Variants in PIAS1 observed in about 807,000 individuals in gnomAD.
The protein encoded by PIAS1 is E3 SUMO-protein ligase PIAS1.
In PIAS1, 6 loss-of-function variants were observed where a neutral mutation model predicts 71.3. That is an observed-to-expected ratio of 0.08 (90% CI 0.05 to 0.17). The LOEUF is 0.17. PIAS1 is among the 10% of genes least tolerant of loss of function. The pLI, the probability that PIAS1 is intolerant of heterozygous loss-of-function variation, is 1.00. For missense variants in PIAS1, 555 were observed against 793.6 expected, an observed-to-expected ratio of 0.70 and a Z score of 3.61; for synonymous variants, 303 against 292.9, an observed-to-expected ratio of 1.03 and a Z score of -0.35.
At chr15:68,141,873 G>GTGTTTTTTT in intron 2 of PIAS1, 73 bp from the exon 3 acceptor site, 1 of 660,546 alleles carries the variant, frequency 1.5e-6, no homozygotes, top group Non-Finnish European at 2.4e-6. Flanking sequence ...AGACATGTGT[G>GTGTTTTTTT]TTTTTTTTTT....
At chr15:68,072,184 G>T (rs912572906) in intron 1 of PIAS1, among the ~76,000 whole-genome samples, 2 of 151,566 alleles carry the variant, frequency 1.3e-5, no homozygotes, top group African/African-American at 4.9e-5. Context: ...GGATCATGAG[G>T]TCAGGAGATC....
At chr15:68,102,817 A>G (rs925826454) in intron 2 of PIAS1, among the ~76,000 whole-genome samples, 29 of 152,048 alleles carry the variant, frequency 1.9e-4, no homozygotes, top group African/African-American at 6.5e-4. Flanking sequence ...GACAGTTTTT[A>G]TTTCTTAACC....
chr15:68,057,643 A>G (rs1161501230), intron 1 of PIAS1: 2 of 269,766 alleles, frequency 7.4e-6, no homozygotes, highest in East Asian at 2.6e-4. Flanking sequence ...CTTAATTTTG[A>G]TCCTTACGCT....
chr15:68,134,433 A>T, intron 2 of PIAS1, among the ~76,000 whole-genome samples: 1 of 38,328 alleles, frequency 2.6e-5, no homozygotes, highest in African/African-American at 5.5e-5. Context: ...ACCCAGTAGG[A>T]GCGGCTGGGC....
intron 2 of PIAS1, among the ~76,000 whole-genome samples, chr15:68,098,743 G>A (rs2092398872): frequency 1.3e-5 from 2 of 152,112 alleles, no homozygotes; most frequent in Non-Finnish European, 2.9e-5. Context: ...CTACTTAGTA[G>A]GCAATAGATT....
intron 10 of PIAS1, 120 bp from the exon 11 acceptor site, chr15:68,176,354 T>C: frequency 3.8e-6 from 2 of 530,620 alleles, no homozygotes; most frequent in Non-Finnish European, 6.4e-6. Flanking sequence ...GTTGGTTTTC[T>C]ACTCTCTGGC....
Position 68,185,119 on chromosome 15 carries a change from C to T in PIAS1, c.1662+1452C>T, listed in dbSNP as rs2093079512. Reference sequence around the variant, plus strand: ...ATCCCAATATCAAAGTGTTGTGTCTCCTTCCATATACCACCTCTTTGATCC... The same window carrying T: ...ATCCCAATATCAAAGTGTTGTGTCTTCTTCCATATACCACCTCTTTGATCC... On this transcript the variant is annotated intron_variant, in intron 13 of 13. Coordinates refer to ENST00000249636, the MANE Select transcript of PIAS1 (RefSeq NM_016166.3). The surrounding 1 kb of genome is among the most constrained non-coding windows in gnomAD (Gnocchi z 4.4). The T allele has an allele frequency of 6.6e-6, 1 of 152,224 alleles. No homozygotes were observed. Among genetic ancestry groups the T allele is most frequent in the Admixed American group, 6.5e-5 (1 of 15,278 alleles). The allele number at this position is 152,224 out of a possible 1,614,324, so 9.4% of individuals were successfully genotyped here.
chr15:68,061,714 C>T (rs192097619), intron 1 of PIAS1, among the ~76,000 whole-genome samples: 4 of 152,336 alleles, frequency 2.6e-5, no homozygotes, highest in African/African-American at 9.6e-5. Context: ...CACCAAAACA[C>T]TCCTTTCATT....
intron 1 of PIAS1, among the ~76,000 whole-genome samples, chr15:68,085,824 T>C (rs1448956034): frequency 6.6e-6 from 1 of 152,222 alleles, no homozygotes; most frequent in Non-Finnish European, 1.5e-5. Context: ...AAGTAACACT[T>C]GATAATAGCT....
Position 68,086,619 on chromosome 15 carries a change from T to C in PIAS1, c.338T>C (p.Leu113Pro). Residue 113 changes from leucine (L) to proline (P), a missense_variant, in exon 2 of 14, where the codon CTT becomes CCT. Coordinates refer to ENST00000249636, the MANE Select transcript of PIAS1 (RefSeq NM_016166.3). This position sits in a 1 kb window ranked among gnomAD's most constrained non-coding sequence, Gnocchi z 7.2. The part of the protein sequence containing the change: ...PASSPLLPVS[L>P]LGPKHELELP... The stretch of plus-strand genomic sequence containing the variant: ...TCATCGCCATTACTCCCTGTTTCTC[T>C]TCTGGGACCTAAACATGAACTGGAA... The C allele has an allele frequency of 3.7e-6, 6 of 1,613,528 alleles. No homozygotes were observed. The highest frequency in any genetic ancestry group is 5.1e-6 in the Non-Finnish European group (6 of 1,179,470).
intron 2 of PIAS1, among the ~76,000 whole-genome samples, chr15:68,109,794 A>C (rs764877439): frequency 1.4e-4 from 21 of 152,164 alleles, no homozygotes; most frequent in Non-Finnish European, 3.1e-4. Context: ...ACTAGAGGTA[A>C]AGATACAAAC....
chr15:68,062,409 A>G (rs115749564), intron 1 of PIAS1, among the ~76,000 whole-genome samples: 1,619 of 152,304 alleles, frequency 0.011, 36 homozygotes, highest in African/African-American at 0.037. Flanking sequence ...GTTAAAGTGC[A>G]CAGTCAGGTA....
chr15:68,132,631 T>A (rs1194630201), intron 2 of PIAS1, among the ~76,000 whole-genome samples: 2 of 152,124 alleles, frequency 1.3e-5, no homozygotes, highest in Non-Finnish European at 2.9e-5. Context: ...GAAAATTAAA[T>A]TTTTCCTTAC....
chr15:68,171,095 A>G lies in PIAS1; in HGVS notation c.1009-2637A>G, dbSNP rs953058941. Among the ~76,000 whole-genome samples, 1 of 152,128 alleles carries G rather than the reference A, an allele frequency of 6.6e-6. No individual in the cohort carries two copies. The highest frequency in any genetic ancestry group is 1.5e-5 in the Non-Finnish European group (1 of 68,024). On this transcript the variant is annotated intron_variant, in intron 8 of 13. Coordinates refer to ENST00000249636, the MANE Select transcript of PIAS1 (RefSeq NM_016166.3). This position sits in a 1 kb window ranked among gnomAD's most constrained non-coding sequence, Gnocchi z 4.4. ...TTCTATAAGCTTTTTTCTATTTTTA[A>G]CATTTTTTACTTTTATTTTCTACTT...
chr15:68,154,232 T>C (rs1489686631), intron 7 of PIAS1, among the ~76,000 whole-genome samples: 1 of 152,180 alleles, frequency 6.6e-6, no homozygotes, highest in Non-Finnish European at 1.5e-5. Context: ...GGTTCATACG[T>C]GTGAATTACT....
At chr15:68,176,702 T>G in intron 11 of PIAS1, 48 bp downstream of exon 11, 1 of 1,294,056 alleles carries the variant, frequency 7.7e-7, no homozygotes, top group Non-Finnish European at 1.1e-6. Context: ...AAAATTAACT[T>G]GGCAAATAGG....
rs904195977 is a variant in PIAS1 at position 68,185,965 on chromosome 15, C to T, written c.1663-1577C>T. Among the ~76,000 whole-genome samples, 5 of 115,726 alleles carry T rather than the reference C, an allele frequency of 4.3e-5. No individual in the cohort carries two copies. The highest frequency in any genetic ancestry group is 1.8e-4 in the Admixed American group (2 of 11,326). The allele number at this position is 115,726 out of a possible 152,430, so 75.9% of individuals were successfully genotyped here. On this transcript the variant is annotated intron_variant, in intron 13 of 13. Coordinates refer to ENST00000249636, the MANE Select transcript of PIAS1 (RefSeq NM_016166.3). This position sits in a 1 kb window ranked among gnomAD's most constrained non-coding sequence, Gnocchi z 4.4. Reference sequence around the variant, plus strand: ...TGGGTGGCAGAGCGAGACTCCATCTCAAAAACAAAACAAACAAAAAAAACA... The same window carrying T: ...TGGGTGGCAGAGCGAGACTCCATCTTAAAAACAAAACAAACAAAAAAAACA...
At chr15:68,125,102 A>C (rs181489403) in intron 2 of PIAS1, among the ~76,000 whole-genome samples, 2 of 151,984 alleles carry the variant, frequency 1.3e-5, no homozygotes, top group African/African-American at 4.8e-5. Context: ...GTAGTGAACT[A>C]TTTTTCATTT....
intron 2 of PIAS1, among the ~76,000 whole-genome samples, chr15:68,115,022 A>G (rs529255195): frequency 1.3e-5 from 2 of 152,200 alleles, no homozygotes; most frequent in East Asian, 3.9e-4. Flanking sequence ...GAGATCCCCC[A>G]TGACCATTGT....
Sources: allele counts gnomAD v4.1 joint callset (sites outside exome capture counted in the v4.1 genomes callset), GRCh38; gene constraint gnomAD v4.1.1; non-coding constraint Gnocchi (gnomAD v3.1); transcripts MANE v1.5; gene names NCBI Gene and HGNC (gene_info 2026-07-23, HGNC 2026-07-21).